The following CNTNAP1 variants were observed in gnomAD, a reference collection of about 807,000 sequenced individuals.
CNTNAP1 encodes contactin associated protein 1, also known as contactin-associated protein 1.
Under a neutral mutation model 161.5 loss-of-function variants are expected in CNTNAP1, and 80 were observed. The observed-to-expected ratio is 0.50, with a 90% CI of 0.41 to 0.60. The LOEUF (loss-of-function observed/expected upper bound fraction) is 0.60. Ranked by LOEUF, CNTNAP1 falls within the 20% of genes least tolerant of loss-of-function variation. CNTNAP1 has a pLI of 0.00. For synonymous variants in CNTNAP1, 695 were observed against 733.1 expected (o/e 0.95, Z 0.84); for missense variants, 1,464 against 1,854.8 (o/e 0.79, Z 3.87).
chr17:42,697,660 C>T lies in CNTNAP1; in HGVS notation c.3675C>T (p.Phe1225=), dbSNP rs1336630035. Residue 1225 remains phenylalanine, a synonymous_variant, in exon 22 of 24, where the codon TTC becomes TTT. Coordinates refer to ENST00000264638, the MANE Select transcript of CNTNAP1 (RefSeq NM_003632.3). ...FNNVAPLKTH[F]RTPRPMTAEL... ...ACGTGGCTCCCCTCAAGACCCACTT[C>T]CGAACCCCTCGACCCATGACTGCTG... The T allele has an allele frequency of 6.2e-7, 1 of 1,614,068 alleles. No homozygotes were observed. The highest frequency in any genetic ancestry group is 8.5e-7 in the Non-Finnish European group (1 of 1,180,046).
rs1194629381 is a variant in CNTNAP1 at position 42,685,374 on chromosome 17, G to T, written c.669G>T (p.Val223=). The T allele has an allele frequency of 6.2e-7, 1 of 1,606,790 alleles. No individual in the cohort carries two copies. Among genetic ancestry groups the T allele is most frequent in the Admixed American group, 1.7e-5 (1 of 60,032 alleles). Reference sequence around the variant, plus strand: ...CCGAGGGCGCCCAGGGCGACTACGTGACGCTCGAGCTGGAGGGGGCACACC... The same window carrying T: ...CCGAGGGCGCCCAGGGCGACTACGTTACGCTCGAGCTGGAGGGGGCACACC... ...LHAEGAQGDY[V]TLELEGAHLL... The change falls in exon 5 of 24, where the codon GTG becomes GTT. Residue 223 remains valine (V), a synonymous_variant. Coordinates refer to ENST00000264638, the MANE Select transcript of CNTNAP1 (RefSeq NM_003632.3). The surrounding 1 kb of genome is among the most constrained non-coding windows in gnomAD (Gnocchi z 5.0).
rs1263742194 is a variant in CNTNAP1, at chr17:42,697,792, G to A, written c.3807G>A (p.Leu1269=). Residue 1269 remains leucine, a synonymous_variant, in exon 22 of 24, where the codon CTG becomes CTA. Coordinates refer to ENST00000264638, the MANE Select transcript of CNTNAP1 (RefSeq NM_003632.3). ...EVPPELDPWY[L]PPDFPYYHDE... ...CACCTGAGCTTGATCCCTGGTATCT[G>A]CCCCCAGGTACATTCCCAGGACACA... 1 of 1,614,146 alleles carries A rather than the reference G, an allele frequency of 6.2e-7. No homozygotes were observed. Among genetic ancestry groups the A allele is most frequent in the South Asian group, 1.1e-5 (1 of 91,078 alleles).
At position 42,686,085 on chromosome 17, in the gene CNTNAP1, T is replaced by C; in HGVS notation, c.844T>C (p.Tyr282His). The change falls in exon 6 of 24, where the codon TAT (tyrosine) becomes CAT (histidine). Residue 282 changes from tyrosine to histidine, a missense_variant. By Grantham distance (83) the Tyr-to-His change is moderately conservative (BLOSUM62 2). Coordinates refer to ENST00000264638, the MANE Select transcript of CNTNAP1 (RefSeq NM_003632.3). ...CGATGTAAATTTCACCCTGGACGGCTATGTGCAGCGCTTTATTCTCAATGG... is the reference window on the plus strand; with the variant it reads ...CGATGTAAATTTCACCCTGGACGGCCATGTGCAGCGCTTTATTCTCAATGG... ...GRDVNFTLDG[Y>H]VQRFILNGDF... The C allele has an allele frequency of 6.2e-7, 1 of 1,614,226 alleles. No homozygotes were observed. Among genetic ancestry groups the C allele is most frequent in the South Asian group, 1.1e-5 (1 of 91,088 alleles).
Position 42,687,159 on chromosome 17 carries a change from C to T in CNTNAP1, c.1044+113C>T, listed in dbSNP as rs913521163. 4.2e-6 allele frequency: 6 copies of T among 1,431,000 alleles called. No individual in the cohort carries two copies. The highest frequency in any genetic ancestry group is 1.3e-5 in the South Asian group (1 of 75,572). 88.6% of individuals were successfully genotyped at this position (1,431,000 alleles called of 1,614,324 possible). ...GATAAAAGCGGAGAATCCCTCTGTC[C>T]CCAGCCAGATGCTCAAGTTGGGAGG... is the stretch of plus-strand genomic sequence containing the variant. On this transcript the variant is annotated intron_variant, in intron 7 of 23. Coordinates refer to ENST00000264638, the MANE Select transcript of CNTNAP1 (RefSeq NM_003632.3). The surrounding 1 kb of genome is among the most constrained non-coding windows in gnomAD (Gnocchi z 4.7).
Position 42,687,649 on chromosome 17 carries a change from G to T in CNTNAP1, c.1045-71G>T. On this transcript the variant is annotated intron_variant, in intron 7 of 23. Coordinates refer to ENST00000264638, the MANE Select transcript of CNTNAP1 (RefSeq NM_003632.3). This position sits in a 1 kb window ranked among gnomAD's most constrained non-coding sequence, Gnocchi z 4.7. ...GCGGTGACCAGGGTCTTAGACCGGTGTGAAAACTGAATTCCCAGCTGAGGC... is the reference window on the plus strand; with the variant it reads ...GCGGTGACCAGGGTCTTAGACCGGTTTGAAAACTGAATTCCCAGCTGAGGC... 6.4e-7 allele frequency: 1 copy of T among 1,572,786 alleles called. No homozygotes were observed. Among genetic ancestry groups the T allele is most frequent in the South Asian group, 1.2e-5 (1 of 83,992 alleles).
At position 42,688,715 on chromosome 17, in the gene CNTNAP1, C is replaced by T. The variant is rs138777728; in HGVS notation, c.1456+104C>T. 226 of 1,554,470 alleles carry T rather than the reference C, an allele frequency of 1.5e-4. No individual in the cohort carries two copies. In the African/African-American group the frequency reaches 2.7e-3, roughly 19 times the overall value. ...TGGAGAATTTTGGAGGGATCAAGCC[C>T]TCTTCCCCTCTGGGGCCTCAGGGAG... On this transcript the variant is annotated intron_variant, in intron 9 of 23. Transcript: ENST00000264638.
At chr17:42,683,267 GTGGGGTTTGTGGCTAGGGC>G (rs2052961213) in intron 1 of CNTNAP1, 2 of 807,936 alleles carry the variant, frequency 2.5e-6, no homozygotes, top group Non-Finnish European at 3.2e-6. Flanking sequence ...TGGCCAAGGG[GTGGGGTTTGTGGCTAGGGC>G]TGGGGTTTGT....
chr17:42,696,016 A>C lies in CNTNAP1; in HGVS notation c.3347-9A>C, dbSNP rs1597811613. ...CTGAGACCCCAAATTTCTTCTCCCCACCCCACAGGGACCCTTCAGCTGCGA... is the reference window on the plus strand; with the variant it reads ...CTGAGACCCCAAATTTCTTCTCCCCCCCCCACAGGGACCCTTCAGCTGCGA... On this transcript the variant is annotated splice_polypyrimidine_tract_variant and intron_variant, in intron 19 of 23. Coordinates refer to ENST00000264638, the MANE Select transcript of CNTNAP1 (RefSeq NM_003632.3). 6.2e-7 allele frequency: 1 copy of C among 1,613,134 alleles called. No individual in the cohort carries two copies. The highest frequency in any genetic ancestry group is 8.5e-7 in the Non-Finnish European group (1 of 1,179,642).
chr17:42,692,368 TACAG>T lies in CNTNAP1; in HGVS notation c.2531-127_2531-124del, dbSNP rs898793063. 6.5e-6 allele frequency: 5 copies of T among 764,558 alleles called. No homozygotes were observed. The African/African-American group carries it at 7.0e-5, about 11-fold the overall frequency. The allele number at this position is 764,558 out of a possible 1,614,324, so 47.4% of individuals were successfully genotyped here. On this transcript the variant is annotated intron_variant, in intron 16 of 23. Transcript: ENST00000264638. The stretch of plus-strand genomic sequence containing the variant: ...GCAGCTGGTAAGTTTCAATGCAAGC[TACAG>T]ACAAATTGGAGGGATATTCAAGAAG...
intron 11 of CNTNAP1, 66 bp from the exon 12 acceptor site, chr17:42,690,022 G>T: frequency 1.9e-6 from 3 of 1,580,080 alleles, no homozygotes; most frequent in Non-Finnish European, 2.6e-6. Flanking sequence ...TTACAGGCCC[G>T]AGCCGCCGCA....
In CNTNAP1 at chr17:42,687,603, C is replaced by A; in HGVS notation, c.1045-117C>A. The A allele has an allele frequency of 1.5e-6, 2 of 1,357,524 alleles. No individual in the cohort carries two copies. Among genetic ancestry groups the A allele is most frequent in the Non-Finnish European group, 2.0e-6 (2 of 982,640 alleles). 84.1% of individuals were successfully genotyped at this position (1,357,524 alleles called of 1,614,324 possible). A position where few individuals can be genotyped will look rare whatever the true frequency, so the allele number is the denominator to read the frequency against. On this transcript the variant is annotated intron_variant, in intron 7 of 23. Coordinates refer to ENST00000264638, the MANE Select transcript of CNTNAP1 (RefSeq NM_003632.3). This position sits in a 1 kb window ranked among gnomAD's most constrained non-coding sequence, Gnocchi z 4.7. ...GTCACGTCATGGTTGGAGATCTCAC[C>A]CCCGCCAACACCGAAGGAGGGCGGT...
rs1177260662 is a variant in CNTNAP1, at chr17:42,683,804, C to A, written c.68-17C>A. The A allele has an allele frequency of 6.3e-6, 10 of 1,595,896 alleles. No homozygotes were observed. The highest frequency in any genetic ancestry group is 1.1e-5 in the South Asian group (1 of 90,604). On this transcript the variant is annotated splice_polypyrimidine_tract_variant and intron_variant, in intron 1 of 23. Transcript: ENST00000264638. ...GGAGGGGCCAGCGCTGACTAACAGT[C>A]GGTTTCCCTACCCTAGACGGCTGCG... is the stretch of plus-strand genomic sequence containing the variant.
Position 42,690,223 on chromosome 17 carries a change from G to T in CNTNAP1, c.1855+16G>T. On this transcript the variant is annotated intron_variant, in intron 12 of 23. Transcript: ENST00000264638. ...GATATCCGAGGTAAGTGTCTCTGTT[G>T]GGTGGTGAGGGGGTGAGGGGAGAAC... 1 of 1,613,630 alleles carries T rather than the reference G, an allele frequency of 6.2e-7. No homozygotes were observed. Among genetic ancestry groups the T allele is most frequent in the South Asian group, 1.1e-5 (1 of 91,062 alleles).
At position 42,682,868 on chromosome 17, in the gene CNTNAP1, G is replaced by C. The variant is rs575178954; in HGVS notation, c.39G>C (p.Ala13=). The change falls in exon 1 of 24, where the codon GCG becomes GCC. Residue 13 remains alanine, a synonymous_variant. Coordinates refer to ENST00000264638, the MANE Select transcript of CNTNAP1 (RefSeq NM_003632.3). The part of the protein sequence containing the change: ...HLRLFCILLA[A]VSGAEGWGYY... ...GGCTCTTCTGCATCCTGCTCGCCGC[G>C]GTCTCAGGAGCCGAGGGCTGGGGCT... 2.6e-5 allele frequency: 41 copies of C among 1,600,356 alleles called. No individual in the cohort carries two copies. In the African/African-American group the frequency reaches 5.5e-4, roughly 21 times the overall value.
Position 42,686,983 on chromosome 17 carries a change from A to C in CNTNAP1, c.981A>C (p.Val327=). The C allele has an allele frequency of 6.2e-7, 1 of 1,614,010 alleles. No individual in the cohort carries two copies. Among genetic ancestry groups the C allele is most frequent in the Non-Finnish European group, 8.5e-7 (1 of 1,179,964 alleles). The part of the protein sequence containing the change: ...RHNFRGCIEN[V]IFNRVNIADL... ...ACTTCCGCGGCTGCATAGAAAACGTAATCTTCAACCGCGTCAACATCGCAG... is the reference window on the plus strand; with the variant it reads ...ACTTCCGCGGCTGCATAGAAAACGTCATCTTCAACCGCGTCAACATCGCAG... The change falls in exon 7 of 24, where the codon GTA becomes GTC. Residue 327 remains valine (V), a synonymous_variant. Coordinates refer to ENST00000264638, the MANE Select transcript of CNTNAP1 (RefSeq NM_003632.3).
chr17:42,683,750 C>T (rs935003513), intron 1 of CNTNAP1, 71 bp from the exon 2 acceptor site: 7 of 1,540,168 alleles, frequency 4.5e-6, no homozygotes, highest in Admixed American at 1.9e-5. Context: ...GCTTCGGTCG[C>T]TAAGTGGGCC....
chr17:42,694,463 C>T (rs1409182281), intron 18 of CNTNAP1, among the ~76,000 whole-genome samples: 2 of 152,040 alleles, frequency 1.3e-5, no homozygotes, highest in Non-Finnish European at 2.9e-5. Flanking sequence ...TGAGCCACAG[C>T]GCCTGGCAAA....
Position 42,691,513 on chromosome 17 carries a change from T to C in CNTNAP1, c.2344+2T>C. The stretch of plus-strand genomic sequence containing the variant: ...GGCCTCTGCGCTGCTATGGCGATCG[T>C]GAGTGGCAGTCCCCTTTTGTGTGCC... On this transcript the variant is annotated splice_donor_variant, in intron 15 of 23. Coordinates refer to ENST00000264638, the MANE Select transcript of CNTNAP1 (RefSeq NM_003632.3). LOFTEE classifies it high-confidence loss of function. This position sits in a 1 kb window ranked among gnomAD's most constrained non-coding sequence, Gnocchi z 4.3. The C allele has an allele frequency of 6.2e-7, 1 of 1,613,974 alleles. No individual in the cohort carries two copies. Among genetic ancestry groups the C allele is most frequent in the Non-Finnish European group, 8.5e-7 (1 of 1,179,950 alleles).
chr17:42,696,327 T>C (rs2053151751), intron 20 of CNTNAP1, among the ~76,000 whole-genome samples, 175 bp downstream of exon 20: 1 of 147,202 alleles, frequency 6.8e-6, no homozygotes, highest in South Asian at 2.1e-4. Context: ...AATAGGCATT[T>C]TTTTTTTTTT....
Sources: gnomAD v4.1 joint callset for allele counts (sites outside exome capture counted in the v4.1 genomes callset) on GRCh38, gnomAD v4.1.1 for gene constraint, Gnocchi (gnomAD v3.1) non-coding constraint, MANE v1.5 for transcripts, NCBI Gene and HGNC (gene_info 2026-07-23, HGNC 2026-07-21) for gene names.